The following NCAM1 variants were observed in gnomAD, a reference collection of about 807,000 sequenced individuals.
NCAM1 encodes the protein neural cell adhesion molecule 1.
In NCAM1, 14 loss-of-function variants were observed where a neutral mutation model predicts 109.8. The ratio of observed to expected loss-of-function variants is 0.13; its 90% CI spans 0.08 to 0.20. NCAM1 has a LOEUF of 0.20. NCAM1 is among the 10% of genes least tolerant of loss of function. The pLI is 1.00. For synonymous variants in NCAM1, 418 were observed against 442.9 expected (o/e 0.94, Z 0.70); for missense variants, 774 against 1,109.9 (o/e 0.70, Z 4.30).
At chr11:113,182,475 T>C (rs1943363465) in intron 1 of NCAM1, among the ~76,000 whole-genome samples, 1 of 152,240 alleles carries the variant, frequency 6.6e-6, no homozygotes, top group Admixed American at 6.5e-5. Flanking sequence ...CCTTGTATTA[T>C]GGTTATAATT....
chr11:113,071,988 T>C (rs1938288664), intron 1 of NCAM1, among the ~76,000 whole-genome samples: 1 of 152,004 alleles, frequency 6.6e-6, no homozygotes, highest in Non-Finnish European at 1.5e-5. Context: ...CTACTAAAAA[T>C]ACAAAAATTA....
At chr11:113,270,829 A>G (rs1176452041) in intron 18 of NCAM1, among the ~76,000 whole-genome samples, 2 of 152,176 alleles carry the variant, frequency 1.3e-5, no homozygotes, top group African/African-American at 4.8e-5. Flanking sequence ...CACTGTTCCC[A>G]GGCACATAGG....
At chr11:112,975,153 G>T (rs1326564326) in intron 1 of NCAM1, among the ~76,000 whole-genome samples, 14 of 151,974 alleles carry the variant, frequency 9.2e-5, no homozygotes, top group African/African-American at 3.1e-4. Flanking sequence ...AAACTTTTCT[G>T]AACTGAAGCA....
At chr11:113,159,627 A>G (rs1942530491) in intron 1 of NCAM1, among the ~76,000 whole-genome samples, 1 of 152,158 alleles carries the variant, frequency 6.6e-6, no homozygotes, top group African/African-American at 2.4e-5. Context: ...TTTCTATTAC[A>G]TGCATTTTAT....
intron 1 of NCAM1, among the ~76,000 whole-genome samples, chr11:113,134,231 T>C (rs1412684682): frequency 6.6e-6 from 1 of 152,234 alleles, no homozygotes; most frequent in Non-Finnish European, 1.5e-5. Context: ...TGGACTCACA[T>C]AGTATTTGTC....
chr11:113,014,710 A>G (rs1229163815), intron 1 of NCAM1, among the ~76,000 whole-genome samples: 2 of 152,232 alleles, frequency 1.3e-5, no homozygotes, highest in Non-Finnish European at 2.9e-5. Flanking sequence ...TCTCCATAGT[A>G]TTGGAAATAC....
At chr11:113,228,286 A>G (rs1555116600) in intron 9 of NCAM1, among the ~76,000 whole-genome samples, 1 of 152,190 alleles carries the variant, frequency 6.6e-6, no homozygotes, top group Non-Finnish European at 1.5e-5. Context: ...TTATACACCA[A>G]TAACAGACAA....
Position 113,275,496 on chromosome 11 carries a change from A to C in NCAM1, c.*109A>C. 2.3e-6 allele frequency: 3 copies of C among 1,288,018 alleles called. No individual in the cohort carries two copies. Among genetic ancestry groups the C allele is most frequent in the Non-Finnish European group, 2.1e-6 (2 of 933,242 alleles). 79.8% of individuals were successfully genotyped at this position (1,288,018 alleles called of 1,614,324 possible). On this transcript the variant is annotated 3_prime_UTR_variant, in exon 20 of 20. Coordinates refer to ENST00000316851, the MANE Select transcript of NCAM1 (RefSeq NM_181351.5). Reference sequence around the variant, plus strand: ...CACGCACGCACACACACAAACACACATGCACACACACACATCTCATTTCTC... The same window carrying C: ...CACGCACGCACACACACAAACACACCTGCACACACACACATCTCATTTCTC...
intron 1 of NCAM1, among the ~76,000 whole-genome samples, chr11:113,198,420 G>A (rs1009499581): frequency 6.6e-6 from 1 of 150,886 alleles, no homozygotes; most frequent in South Asian, 2.1e-4. Flanking sequence ...CGCCCAGGCT[G>A]GAGTGCAGTG....
At chr11:113,161,980 T>C (rs1942615532) in intron 1 of NCAM1, among the ~76,000 whole-genome samples, 1 of 152,188 alleles carries the variant, frequency 6.6e-6, no homozygotes, top group Non-Finnish European at 1.5e-5. Context: ...AAATCTTGCA[T>C]GTGTGCCAGG....
intron 1 of NCAM1, among the ~76,000 whole-genome samples, chr11:113,067,681 G>A (rs1304070636): frequency 6.6e-6 from 1 of 152,110 alleles, no homozygotes; most frequent in African/African-American, 2.4e-5. Context: ...AGCCTCAGTG[G>A]GTTCATAATC....
chr11:112,981,592 T>C (rs1555068783), intron 1 of NCAM1, among the ~76,000 whole-genome samples: 1 of 151,846 alleles, frequency 6.6e-6, no homozygotes, highest in Non-Finnish European at 1.5e-5. Context: ...AAAGCACAAA[T>C]CTTTACTAGT....
intron 1 of NCAM1, among the ~76,000 whole-genome samples, chr11:112,986,827 T>C (rs554245991): frequency 6.6e-6 from 1 of 152,168 alleles, no homozygotes; most frequent in Admixed American, 6.5e-5. Context: ...TTGTCAATTT[T>C]TATCTTTCAG....
chr11:113,214,607 G>A, intron 8 of NCAM1, 96 bp downstream of exon 8: 1 of 1,397,814 alleles, frequency 7.2e-7, no homozygotes, highest in Admixed American at 2.3e-5. Flanking sequence ...GCTGGGAGAT[G>A]GGTTATGGTC....
chr11:113,165,899 G>A (rs1245517086), intron 1 of NCAM1, among the ~76,000 whole-genome samples: 4 of 150,982 alleles, frequency 2.6e-5, no homozygotes, highest in Admixed American at 2.6e-4. Flanking sequence ...TGCAAGCTCT[G>A]CCTCCCGGGT....
intron 1 of NCAM1, among the ~76,000 whole-genome samples, chr11:113,068,029 G>C (rs1280232024): frequency 1.3e-5 from 2 of 150,182 alleles, no homozygotes; most frequent in African/African-American, 4.9e-5. Context: ...TCCTGCCTCA[G>C]CCTCCCGAGT....
chr11:113,200,504 G>C lies in NCAM1; in HGVS notation c.53-1875G>C, dbSNP rs541428632. ...AGTGAATGGAAACGTTTTGCCCTCT[G>C]TGCAGGGGCAGCATTGCATCATGGA... is the stretch of plus-strand genomic sequence containing the variant. On this transcript the variant is annotated intron_variant, in intron 1 of 19. Coordinates refer to ENST00000316851, the MANE Select transcript of NCAM1 (RefSeq NM_181351.5). 2.0e-5 allele frequency among the ~76,000 whole-genome samples: 3 copies of C among 152,312 alleles called. No homozygotes were observed. The East Asian group carries it at 5.8e-4, about 29-fold the overall frequency.
intron 1 of NCAM1, among the ~76,000 whole-genome samples, chr11:112,996,447 TGA>T (rs2134905788): frequency 6.6e-6 from 1 of 152,340 alleles, no homozygotes; most frequent in Non-Finnish European, 1.5e-5. Context: ...AGGCATTCAC[TGA>T]TATGACATAA....
At chr11:113,018,412 C>G (rs1555075667) in intron 1 of NCAM1, among the ~76,000 whole-genome samples, 1 of 152,064 alleles carries the variant, frequency 6.6e-6, no homozygotes. Flanking sequence ...GCAGTATAAC[C>G]TGTTGGGCCA....
Sources: gnomAD v4.1 joint callset for allele counts (sites outside exome capture counted in the v4.1 genomes callset) on GRCh38, gnomAD v4.1.1 for gene constraint, MANE v1.5 for transcripts, NCBI Gene and HGNC (gene_info 2026-07-23, HGNC 2026-07-21) for gene names.